ADGRG6: variants seen among roughly 807,000 people sequenced by gnomAD.
The protein encoded by ADGRG6 is G-protein coupled receptor 126.
ADGRG6 carries 84 observed loss-of-function variants against 142.4 expected under a neutral mutation model. The observed-to-expected ratio is 0.59, with a 90% CI of 0.49 to 0.71. ADGRG6 has a LOEUF of 0.71. Ranked by LOEUF, ADGRG6 falls within the 30% of genes least tolerant of loss-of-function variation. ADGRG6 has a pLI of 0.00. For missense variants in ADGRG6, 1,367 were observed against 1,466.6 expected (o/e 0.93, Z 1.11); for synonymous variants, 521 against 520.5 (o/e 1.00, Z -0.01).
chr6:142,307,825 C>G (rs1483192902), intron 1 of ADGRG6, among the ~76,000 whole-genome samples: 1 of 152,000 alleles, frequency 6.6e-6, no homozygotes, highest in East Asian at 1.9e-4. Flanking sequence ...CAAATCTTAA[C>G]CTTTTCCTGG....
At chr6:142,411,151 C>T (rs1167843455) in intron 17 of ADGRG6, among the ~76,000 whole-genome samples, 154 bp from the exon 18 acceptor site, 1 of 152,150 alleles carries the variant, frequency 6.6e-6, no homozygotes, top group East Asian at 1.9e-4. Context: ...CCAAATTATT[C>T]TAAGCATTGA....
At chr6:142,336,531 A>G (rs1779326287) in intron 2 of ADGRG6, among the ~76,000 whole-genome samples, 1 of 152,196 alleles carries the variant, frequency 6.6e-6, no homozygotes, top group Non-Finnish European at 1.5e-5. Context: ...TATCTGTTAC[A>G]TGGTAGCAGC....
chr6:142,419,972 G>A lies in ADGRG6; in HGVS notation c.3187G>A (p.Val1063Met), dbSNP rs557716413. Residue 1063 changes from valine (V) to methionine (M), a missense_variant, in exon 22 of 25, where the codon GTG (valine) becomes ATG (methionine). Val to Met is a conservative substitution (Grantham distance 21, BLOSUM62 1). Coordinates refer to ENST00000367609, the MANE Select transcript of ADGRG6 (RefSeq NM_198569.3). ...KRSNRTLREE[V>M]LRNLRSVVSL... ...AAGCAACCGGACCCTGAGAGAAGAA[G>A]TGTTAAGGAACCTGCGCAGTGTGGT... 1.2e-6 allele frequency: 2 copies of A among 1,613,572 alleles called. No individual in the cohort carries two copies. Among genetic ancestry groups the A allele is most frequent in the Admixed American group, 1.7e-5 (1 of 59,978 alleles).
At chr6:142,384,941 A>T (rs897715826) in intron 6 of ADGRG6, among the ~76,000 whole-genome samples, 1 of 152,106 alleles carries the variant, frequency 6.6e-6, no homozygotes, top group African/African-American at 2.4e-5. Flanking sequence ...GAGATTTATG[A>T]TGGAGCAAAA....
chr6:142,316,097 G>A (rs1250433967), intron 2 of ADGRG6, among the ~76,000 whole-genome samples: 2 of 151,992 alleles, frequency 1.3e-5, no homozygotes, highest in African/African-American at 4.8e-5. Flanking sequence ...TGAATTATTA[G>A]GTCTTTCATG....
At chr6:142,320,121 T>C (rs1405364465) in intron 2 of ADGRG6, among the ~76,000 whole-genome samples, 3 of 152,100 alleles carry the variant, frequency 2.0e-5, no homozygotes, top group Non-Finnish European at 4.4e-5. Flanking sequence ...GAGCTTTTCA[T>C]ATTTTAAAAG....
rs1776559065 is a variant in ADGRG6, at chr6:142,419,694, G to A, written c.3036-127G>A. 1.1e-5 allele frequency: 7 copies of A among 664,484 alleles called. No homozygotes were observed. The South Asian group carries it at 1.2e-4, about 11-fold the overall frequency. The allele number at this position is 664,484 out of a possible 1,614,324, so 41.2% of individuals were successfully genotyped here. A position where few individuals can be genotyped will look rare whatever the true frequency, so the allele number is the denominator to read the frequency against. On this transcript the variant is annotated intron_variant, in intron 21 of 24. Transcript: ENST00000367609. ...GAAGAAGAAACTGAGGTCCAAGGAA[G>A]TAAAGTGGCTTTCTAAAGACATTTG...
rs181582537 is a variant in ADGRG6, at chr6:142,306,687, G to C, written c.3-2857G>C. On this transcript the variant is annotated intron_variant, in intron 1 of 24. Coordinates refer to ENST00000367609, the MANE Select transcript of ADGRG6 (RefSeq NM_198569.3). ...ATGGTGTAAGAGTGTACTTTTGTGT[G>C]TGTGTGTTTTTTTTCCTTGTAGTTC... 3.2e-3 allele frequency among the ~76,000 whole-genome samples: 482 copies of C among 152,172 alleles called. 2 individuals are homozygous for C. Among genetic ancestry groups the C allele is most frequent in the African/African-American group, 0.011 (466 of 41,526 alleles).
At chr6:142,324,281 G>A (rs1412631488) in intron 2 of ADGRG6, among the ~76,000 whole-genome samples, 7 of 152,024 alleles carry the variant, frequency 4.6e-5, no homozygotes, top group Admixed American at 4.6e-4. Context: ...TACACTTAAA[G>A]CTCTTAGGAG....
Position 142,347,419 on chromosome 6 carries a change from A to C in ADGRG6, c.104-20150A>C, listed in dbSNP as rs542381493. Among the ~76,000 whole-genome samples the C allele has an allele frequency of 1.4e-4, 22 of 152,328 alleles. No individual in the cohort carries two copies. The South Asian group carries it at 4.6e-3, about 32-fold the overall frequency. ...ATATAATGAGAAATATTTCAGAGGA[A>C]CCGGAAGAGTAGATAGTTCACCTAT... On this transcript the variant is annotated intron_variant, in intron 2 of 24. Transcript: ENST00000367609.
At position 142,437,469 on chromosome 6, in the gene ADGRG6, G is replaced by T. The variant is rs1277824188; in HGVS notation, c.3355G>T (p.Glu1119Ter). The part of the protein sequence containing the change: ...FIFIFHCAMK[E>*]NVQKQWRQHL... ...ATTCATCTTCCACTGTGCTATGAAG[G>T]AGAATGTTCAGAAACAGTGGCGGCA... is the stretch of plus-strand genomic sequence containing the variant. The change falls in exon 23 of 25, where the codon GAG (glutamate) becomes TAG (stop). Residue 1119 changes from glutamate to a stop codon, truncating the protein, a stop_gained. Coordinates refer to ENST00000367609, the MANE Select transcript of ADGRG6 (RefSeq NM_198569.3). LOFTEE classifies it high-confidence loss of function. 2 of 1,581,238 alleles carry T rather than the reference G, an allele frequency of 1.3e-6. No homozygotes were observed.
chr6:142,415,767 T>C (rs1434942144), intron 19 of ADGRG6, 29 bp from the exon 20 acceptor site: 9 of 1,539,158 alleles, frequency 5.8e-6, no homozygotes, highest in Non-Finnish European at 8.1e-6. Context: ...GTATTAGTTC[T>C]CTCATAGATT....
rs1774970690 is a variant in ADGRG6, at chr6:142,392,858, CAG to C, written c.1309-89_1309-88del. 11 of 832,850 alleles carry C rather than the reference CAG, an allele frequency of 1.3e-5. No homozygotes were observed. The Admixed American group carries it at 1.4e-4, about 11-fold the overall frequency. 51.6% of individuals were successfully genotyped at this position (832,850 alleles called of 1,614,324 possible). A position where few individuals can be genotyped will look rare whatever the true frequency, so the allele number is the denominator to read the frequency against. The stretch of plus-strand genomic sequence containing the variant: ...TCAGGATTTTCCCAGGGTCTTATCT[CAG>C]TAACAACTTATGTTTTAGGTAGAAA... On this transcript the variant is annotated intron_variant, in intron 7 of 24. Transcript: ENST00000367609.
At position 142,403,892 on chromosome 6, in the gene ADGRG6, C is replaced by T. The variant is rs200367753; in HGVS notation, c.2046C>T (p.Ser682=). The part of the protein sequence containing the change: ...VNITTRNLAL[S]VSSLLPGTNA... The stretch of plus-strand genomic sequence containing the variant: ...TTACAACTCGGAACTTGGCTCTCAG[C>T]GTATCATCCCTGTTACCAGGGACAA... Residue 682 remains serine (S), a synonymous_variant, in exon 14 of 25, where the codon AGC becomes AGT. Transcript: ENST00000367609. The T allele has an allele frequency of 1.3e-4, 205 of 1,607,614 alleles. No individual in the cohort carries two copies. Among genetic ancestry groups the T allele is most frequent in the Non-Finnish European group, 1.6e-4 (193 of 1,174,584 alleles).
At chr6:142,308,621 G>C (rs1254179546) in intron 1 of ADGRG6, among the ~76,000 whole-genome samples, 1 of 151,726 alleles carries the variant, frequency 6.6e-6, no homozygotes, top group African/African-American at 2.4e-5. Context: ...TCTCTCTCAG[G>C]GGATTTTCAG....
intron 21 of ADGRG6, 35 bp downstream of exon 21, chr6:142,417,404 T>A: frequency 1.2e-6 from 1 of 866,292 alleles, no homozygotes; most frequent in Non-Finnish European, 1.9e-6. Flanking sequence ...TGAGTAGATA[T>A]CCTTTGTTTC....
chr6:142,380,073 A>C (rs1781691780), intron 4 of ADGRG6, among the ~76,000 whole-genome samples: 1 of 152,174 alleles, frequency 6.6e-6, no homozygotes, highest in African/African-American at 2.4e-5. Flanking sequence ...AATTTTTCTG[A>C]TTGACAATTG....
chr6:142,326,702 A>G (rs1159914083), intron 2 of ADGRG6, among the ~76,000 whole-genome samples: 1 of 152,092 alleles, frequency 6.6e-6, no homozygotes, highest in East Asian at 1.9e-4. Flanking sequence ...AAACTCCGTT[A>G]TTAGGTGGAG....
intron 16 of ADGRG6, 120 bp downstream of exon 16, chr6:142,408,389 T>G: frequency 1.6e-6 from 1 of 632,784 alleles, no homozygotes; most frequent in Non-Finnish European, 2.6e-6. Context: ...GGGCCCAGTT[T>G]TCTATAAAGA....
Sources: gnomAD v4.1 joint callset for allele counts (sites outside exome capture counted in the v4.1 genomes callset) on GRCh38, gnomAD v4.1.1 for gene constraint, MANE v1.5 for transcripts, NCBI Gene and HGNC (gene_info 2026-07-23, HGNC 2026-07-21) for gene names.